POLB: variants seen among roughly 807,000 people sequenced by gnomAD.
POLB encodes the protein 5'-dRP lyase.
A neutral mutation model predicts 52.7 loss-of-function variants in POLB; 37 were observed. The ratio of observed to expected loss-of-function variants is 0.70; its 90% confidence interval spans 0.54 to 0.92. The LOEUF is 0.92. Ranked by LOEUF, POLB falls within the 40% of genes least tolerant of loss-of-function variation. The pLI, the probability that POLB is intolerant of heterozygous loss-of-function variation, is 0.00. For synonymous variants in POLB, 138 were observed against 131.3 expected (o/e 1.05, Z -0.35); for missense variants, 313 against 400.8 (o/e 0.78, Z 1.87).
chr8:42,368,930 G>A, intron 11 of POLB: 1 of 171,024 alleles, frequency 5.8e-6, no homozygotes, highest in African/African-American at 2.4e-5. Context: ...TCTTCTTCCT[G>A]CATAATCATC....
intron 4 of POLB, chr8:42,349,412 G>A: frequency 5.6e-6 from 1 of 179,262 alleles, no homozygotes; most frequent in Non-Finnish European, 1.2e-5. Context: ...TTTTTGAGAT[G>A]GAGTCTTGCT....
At chr8:42,365,928 C>T (rs1316906620) in intron 11 of POLB, among the ~76,000 whole-genome samples, 1 of 151,878 alleles carries the variant, frequency 6.6e-6, no homozygotes, top group Non-Finnish European at 1.5e-5. Flanking sequence ...GGTGAAACCC[C>T]ATCTCTACTA....
At chr8:42,357,985 A>G (rs928429092) in intron 9 of POLB, 3 of 151,924 alleles carry the variant, frequency 2.0e-5, no homozygotes, top group Non-Finnish European at 4.4e-5. Flanking sequence ...TCGACCTCCC[A>G]AAGTGCTGGG....
At chr8:42,367,609 C>A (rs1004321580) in intron 11 of POLB, among the ~76,000 whole-genome samples, 1 of 152,154 alleles carries the variant, frequency 6.6e-6, no homozygotes, top group Admixed American at 6.5e-5. Flanking sequence ...CCTCTTCTTG[C>A]TATCACCACT....
At position 42,361,442 on chromosome 8, in the gene POLB, T is replaced by C; in HGVS notation, c.621+77T>C. ...TCACTTTTTAAGTGATAGTTGGGTA[T>C]TTTCAGAATAAGTTTTGTTTTCGCC... On this transcript the variant is annotated intron_variant, in intron 10 of 13. Coordinates refer to ENST00000265421, the MANE Select transcript of POLB (RefSeq NM_002690.3). 3.9e-6 allele frequency: 4 copies of C among 1,019,056 alleles called. No homozygotes were observed. In the Admixed American group the frequency reaches 7.0e-5, roughly 18 times the overall value. The allele number at this position is 1,019,056 out of a possible 1,614,324, so 63.1% of individuals were successfully genotyped here. A position where few individuals can be genotyped will look rare whatever the true frequency, so the allele number is the denominator to read the frequency against.
chr8:42,340,861 T>C (rs868759051), intron 2 of POLB, among the ~76,000 whole-genome samples: 1 of 152,222 alleles, frequency 6.6e-6, no homozygotes, highest in South Asian at 2.1e-4. Flanking sequence ...CATTTGATGA[T>C]TCAAAATTAC....
At chr8:42,344,804 A>T in intron 2 of POLB, 149 bp from the exon 3 acceptor site, 2 of 562,836 alleles carry the variant, frequency 3.6e-6, no homozygotes, top group Admixed American at 3.1e-5. Context: ...ACAGAGGGAG[A>T]CTGTCTCAAA....
intron 7 of POLB, 45 bp downstream of exon 7, chr8:42,355,612 A>AT (rs762381165): frequency 3.4e-6 from 4 of 1,188,922 alleles, no homozygotes; most frequent in South Asian, 1.2e-5. Flanking sequence ...ATAAAAGTAA[A>AT]TTTTTTATAG....
chr8:42,351,480 T>A (rs1028155624), intron 5 of POLB, among the ~76,000 whole-genome samples: 3 of 152,254 alleles, frequency 2.0e-5, no homozygotes, highest in Non-Finnish European at 4.4e-5. Context: ...CCGCTCCTGC[T>A]TTATTATGCT....
chr8:42,359,094 A>G (rs1243334647), intron 9 of POLB, among the ~76,000 whole-genome samples: 1 of 152,072 alleles, frequency 6.6e-6, no homozygotes, highest in African/African-American at 2.4e-5. Context: ...ATAAAAAGGT[A>G]TACTCTAAGA....
At chr8:42,342,399 A>T (rs971422321) in intron 2 of POLB, 1 of 1,454,566 alleles carries the variant, frequency 6.9e-7, no homozygotes, top group South Asian at 1.1e-5. Flanking sequence ...GTTCGTGTGC[A>T]TATGCTGCGC....
chr8:42,364,872 G>C (rs764900454), intron 11 of POLB, among the ~76,000 whole-genome samples: 1 of 152,112 alleles, frequency 6.6e-6, no homozygotes, highest in Non-Finnish European at 1.5e-5. Flanking sequence ...GATGGATGGC[G>C]GTGATGGTTG....
chr8:42,361,070 A>C, intron 9 of POLB: 1 of 676,292 alleles, frequency 1.5e-6, no homozygotes, highest in Non-Finnish European at 2.7e-6. Flanking sequence ...ATGTATATCT[A>C]ATGCCAATTA....
rs3136805 is a variant in POLB, at chr8:42,370,021, C to G, written c.913+33C>G. On this transcript the variant is annotated intron_variant, in intron 13 of 13. Coordinates refer to ENST00000265421, the MANE Select transcript of POLB (RefSeq NM_002690.3). Reference sequence around the variant, plus strand: ...TCCATGTGTGTATTAGAGATCATCTCTCATCTGGAGAGAAGGTTATTTTCA... The same window carrying G: ...TCCATGTGTGTATTAGAGATCATCTGTCATCTGGAGAGAAGGTTATTTTCA... The G allele has an allele frequency of 1.5e-5, 23 of 1,549,936 alleles. No individual in the cohort carries two copies. In the Admixed American group the frequency reaches 1.8e-4, roughly 12 times the overall value.
rs755063893 is a variant in POLB, at chr8:42,361,311, T to G, written c.567T>G (p.Gly189=). 4.2e-5 allele frequency: 67 copies of G among 1,612,050 alleles called. No individual in the cohort carries two copies. Among genetic ancestry groups the G allele is most frequent in the Non-Finnish European group, 5.4e-5 (64 of 1,178,202 alleles). ...GSFRRGAESS[G]DMDVLLTHPS... is the part of the protein sequence containing the mutation. ...TCATCACAGGTGCAGAGTCCAGTGG[T>G]GACATGGATGTTCTCCTGACCCATC... Residue 189 remains glycine (G), a synonymous_variant, in exon 10 of 14, where the codon GGT becomes GGG. Transcript: ENST00000265421.
At chr8:42,356,720 G>T (rs1823339936) in intron 7 of POLB, among the ~76,000 whole-genome samples, 1 of 152,022 alleles carries the variant, frequency 6.6e-6, no homozygotes, top group African/African-American at 2.4e-5. Context: ...TTTTGTGACT[G>T]ACTTCTTCCA....
intron 3 of POLB, 58 bp downstream of exon 3, chr8:42,345,077 C>G (rs1356044697): frequency 3.5e-6 from 4 of 1,135,248 alleles, no homozygotes; most frequent in African/African-American, 1.5e-5. Context: ...TTGGTGGGTT[C>G]CCACCAAACC....
intron 9 of POLB, among the ~76,000 whole-genome samples, chr8:42,359,784 T>C (rs991258301): frequency 2.0e-5 from 3 of 151,982 alleles, no homozygotes; most frequent in East Asian, 3.8e-4. Context: ...TCATACACTT[T>C]GTTTTTGTTT....
chr8:42,353,252 G>A (rs1823091211), intron 6 of POLB, among the ~76,000 whole-genome samples: 1 of 150,006 alleles, frequency 6.7e-6, no homozygotes, highest in Non-Finnish European at 1.5e-5. Context: ...GGGACTACAG[G>A]CTCCCACCAC....
Sources: allele counts gnomAD v4.1 joint callset (sites outside exome capture counted in the v4.1 genomes callset), GRCh38; gene constraint gnomAD v4.1.1; transcripts MANE v1.5; gene names NCBI Gene and HGNC (gene_info 2026-07-23, HGNC 2026-07-21).